ZNF331: variants seen among roughly 807,000 people sequenced by gnomAD.
ZNF331 encodes zinc finger protein 331, also known as C2H2-like zinc finger protein rearranged in thyroid adenomas.
A neutral mutation model predicts 7.0 loss-of-function variants in ZNF331; 2 were observed. The ratio of observed to expected loss-of-function variants is 0.29; its 90% CI spans 0.12 to 0.90. The LOEUF (loss-of-function observed/expected upper bound fraction) is 0.90. Among genes scored for constraint, ZNF331 ranks in the 40% least tolerant of loss-of-function variants. ZNF331 has a pLI of 0.58. For missense variants in ZNF331, 432 were observed against 587.7 expected (o/e 0.74, Z 2.74); for synonymous variants, 196 against 205.4 (o/e 0.95, Z 0.39).
chr19:53,556,198 G>A (rs917677248), intron 3 of ZNF331, among the ~76,000 whole-genome samples: 7 of 140,354 alleles, frequency 5.0e-5, no homozygotes, highest in African/African-American at 1.3e-4. Context: ...AGCCGAGATC[G>A]CACCGCTTCA....
At chr19:53,531,317 T>A (rs2708817) in intron 2 of ZNF331, among the ~76,000 whole-genome samples, 1 of 151,998 alleles carries the variant, frequency 6.6e-6, no homozygotes, top group Non-Finnish European at 1.5e-5. Flanking sequence ...AAAGAGGTGT[T>A]GGGGGTTCAT....
intron 3 of ZNF331, among the ~76,000 whole-genome samples, chr19:53,566,734 G>A (rs1259153862): frequency 6.6e-6 from 1 of 152,180 alleles, no homozygotes; most frequent in African/African-American, 2.4e-5. Flanking sequence ...CAGACGCCAT[G>A]GGCCAGTGTT....
At chr19:53,528,066 A>G (rs2087375646) in intron 2 of ZNF331, among the ~76,000 whole-genome samples, 1 of 152,236 alleles carries the variant, frequency 6.6e-6, no homozygotes, top group African/African-American at 2.4e-5. Flanking sequence ...AATCTCCCAT[A>G]TCACATAGAA....
intron 3 of ZNF331, among the ~76,000 whole-genome samples, chr19:53,556,454 A>G (rs906894418): frequency 1.3e-5 from 2 of 151,516 alleles, no homozygotes; most frequent in African/African-American, 4.8e-5. Flanking sequence ...ACAAAGTACC[A>G]TAGACTGTGT....
chr19:53,525,726 A>G (rs1313402542), intron 2 of ZNF331, among the ~76,000 whole-genome samples: 1 of 152,212 alleles, frequency 6.6e-6, no homozygotes. Context: ...GTATAAGATC[A>G]TGTCATCTGC....
intron 5 of ZNF331, 52 bp from the exon 6 acceptor site, chr19:53,576,645 C>A: frequency 6.7e-7 from 1 of 1,498,182 alleles, no homozygotes; most frequent in Non-Finnish European, 9.0e-7. Context: ...TGGTTAGGTT[C>A]GTTTGTACTT....
chr19:53,535,468 C>T (rs2087710926), upstream of ZNF331, among the ~76,000 whole-genome samples: 1 of 152,190 alleles, frequency 6.6e-6, no homozygotes, highest in Non-Finnish European at 1.5e-5. Context: ...TCCCCTCCAC[C>T]TCTAAGCATG....
intron 2 of ZNF331, among the ~76,000 whole-genome samples, chr19:53,527,164 G>A (rs755065839): frequency 3.9e-5 from 6 of 151,910 alleles, no homozygotes; most frequent in Admixed American, 1.3e-4. Context: ...GTGACAGAGC[G>A]AGACTCCATC....
exon 1 of ZNF331, chr19:53,521,096 A>G (rs903075743): frequency 6.6e-6 from 1 of 152,274 alleles, no homozygotes; most frequent in Non-Finnish European, 1.5e-5. Flanking sequence ...GGATTTTTAA[A>G]AATGGTTTCT....
intron 3 of ZNF331, among the ~76,000 whole-genome samples, chr19:53,556,634 G>GT: frequency 6.6e-6 from 1 of 151,110 alleles, no homozygotes; most frequent in South Asian, 2.1e-4. Context: ...CTTTTTTATT[G>GT]TTTTTGTTTT....
chr19:53,509,585 G>A, the ZNF331 span, among the ~76,000 whole-genome samples: 1 of 152,200 alleles, frequency 6.6e-6, no homozygotes, highest in East Asian at 1.9e-4. Flanking sequence ...AGCCCAGGAA[G>A]AGATTATTTA....
intron 2 of ZNF331, among the ~76,000 whole-genome samples, chr19:53,540,136 AT>A (rs1312224121): frequency 1.3e-5 from 2 of 152,256 alleles, no homozygotes; most frequent in Non-Finnish European, 2.9e-5. Context: ...TATTGAGCGC[AT>A]TTTTGTACCA....
chr19:53,549,206 C>G (rs1194851896), intron 2 of ZNF331, among the ~76,000 whole-genome samples: 1 of 152,124 alleles, frequency 6.6e-6, no homozygotes, highest in Non-Finnish European at 1.5e-5. Flanking sequence ...GTCCTTTCCC[C>G]ATTGTGTGAT....
Position 53,575,468 on chromosome 19 carries a change from C to T in ZNF331, c.137-1229C>T, listed in dbSNP as rs1309022398. Among the ~76,000 whole-genome samples, 6 of 123,224 alleles carry T rather than the reference C, an allele frequency of 4.9e-5. No homozygotes were observed. The South Asian group carries it at 8.0e-4, about 16-fold the overall frequency. The allele number at this position is 123,224 out of a possible 152,430, so 80.8% of individuals were successfully genotyped here. ...GTCTCGTAAATTATCTTTTTTGTTGCTTTTGAATGTTGTATTCTTTTACCC... is the reference window on the plus strand; with the variant it reads ...GTCTCGTAAATTATCTTTTTTGTTGTTTTTGAATGTTGTATTCTTTTACCC... On this transcript the variant is annotated intron_variant, in intron 5 of 5. Transcript: ENST00000449416.
intron 2 of ZNF331, among the ~76,000 whole-genome samples, chr19:53,545,786 C>T (rs2088555392): frequency 6.6e-6 from 1 of 152,166 alleles, no homozygotes; most frequent in South Asian, 2.1e-4. Flanking sequence ...AGGGCACAGC[C>T]ATTGTCATAG....
intron 2 of ZNF331, among the ~76,000 whole-genome samples, chr19:53,544,625 T>C (rs1568484125): frequency 6.6e-6 from 1 of 152,136 alleles, no homozygotes; most frequent in Non-Finnish European, 1.5e-5. Flanking sequence ...TCCTCTACTG[T>C]GAGATACTGC....
chr19:53,536,303 A>G (rs1600241978), upstream of ZNF331: 1 of 136,230 alleles, frequency 7.3e-6, no homozygotes, highest in South Asian at 2.5e-4. Context: ...ACAGTCATAC[A>G]TTGTACTATC....
At position 53,574,459 on chromosome 19, in the gene ZNF331, T is replaced by A. The variant is rs536537740; in HGVS notation, c.137-2238T>A. Among the ~76,000 whole-genome samples the A allele has an allele frequency of 2.0e-5, 3 of 152,278 alleles. No individual in the cohort carries two copies. The East Asian group carries it at 5.8e-4, about 29-fold the overall frequency. ...TACCACGAACTTGATCTTCACCCCA[T>A]TTCCCTGTCACCTTGTTTTTCCTGT... On this transcript the variant is annotated intron_variant, in intron 5 of 5. Coordinates refer to ENST00000449416, the MANE Select transcript of ZNF331 (RefSeq NM_001079906.2).
chr19:53,511,676 T>A, the ZNF331 span, among the ~76,000 whole-genome samples: 1 of 152,198 alleles, frequency 6.6e-6, no homozygotes, highest in Non-Finnish European at 1.5e-5. Context: ...GAGTCCCTCA[T>A]GGACTGCAGG....
Sources: gnomAD v4.1 joint callset for allele counts (sites outside exome capture counted in the v4.1 genomes callset) on GRCh38, gnomAD v4.1.1 for gene constraint, MANE v1.5 for transcripts, NCBI Gene and HGNC (gene_info 2026-07-23, HGNC 2026-07-21) for gene names.